GOLGA8B: variants seen among roughly 807,000 people sequenced by gnomAD.
GOLGA8B encodes the protein golgin subfamily A member 8B.
Under a neutral mutation model 15.6 loss-of-function variants are expected in GOLGA8B, and 1 was observed. The observed-to-expected ratio is 0.06, with a 90% CI of 0.02 to 0.30. The LOEUF (loss-of-function observed/expected upper bound fraction) is 0.30, where lower values mean the gene tolerates loss of function less well. Among genes scored for constraint, GOLGA8B ranks in the 10% least tolerant of loss-of-function variants. The pLI is 1.00. For synonymous variants in GOLGA8B, 9 were observed against 80.3 expected (o/e 0.11, Z 4.75); for missense variants, 17 against 201.3 (o/e 0.08, Z 5.54).
chr15:34,557,173 G>C (rs1888513459), intron 1 of GOLGA8B, among the ~76,000 whole-genome samples: 2 of 122,056 alleles, frequency 1.6e-5, no homozygotes, highest in Admixed American at 1.8e-4. Context: ...TCAATCCTCA[G>C]GGGTGTACTC....
chr15:34,574,543 G>A (rs1889014920), intron 1 of GOLGA8B, among the ~76,000 whole-genome samples: 3 of 151,928 alleles, frequency 2.0e-5, no homozygotes, highest in Non-Finnish European at 2.9e-5. Context: ...GGGCTTAAGC[G>A]ATCCTCCCTC....
intron 1 of GOLGA8B, among the ~76,000 whole-genome samples, chr15:34,577,872 T>C (rs568582134): frequency 6.6e-6 from 1 of 152,352 alleles, no homozygotes; most frequent in South Asian, 2.1e-4. Flanking sequence ...GTCTGTACAC[T>C]AGTGCAGACT....
intron 1 of GOLGA8B, among the ~76,000 whole-genome samples, chr15:34,554,236 G>C (rs927134827): frequency 6.6e-6 from 1 of 152,204 alleles, no homozygotes; most frequent in East Asian, 1.9e-4. Flanking sequence ...AGGGTCCTGA[G>C]CTGCCAGGGG....
At chr15:34,570,240 A>C (rs1888876490) in intron 1 of GOLGA8B, among the ~76,000 whole-genome samples, 1 of 147,894 alleles carries the variant, frequency 6.8e-6, no homozygotes, top group Admixed American at 6.8e-5. Context: ...ACCTGAGGAG[A>C]CCCTCTGAGC....
rs775926558 is a variant in GOLGA8B, at chr15:34,526,458, CAG to C, written c.*1172_*1173del. 9 of 148,544 alleles carry C rather than the reference CAG, an allele frequency of 6.1e-5. 1 individual carries two copies. The highest frequency in any genetic ancestry group is 8.9e-5 in the Non-Finnish European group (6 of 67,062). 9.2% of individuals were successfully genotyped at this position (148,544 alleles called of 1,614,324 possible). On this transcript the variant is annotated 3_prime_UTR_variant, in exon 24 of 24. Coordinates refer to ENST00000683415, the MANE Select transcript of GOLGA8B (RefSeq NM_001023567.5). ...AGGTGGTTGAAGAATAGGTATTAGCCAGAGAGGTCTAGATAGTAAAATCAAAC... is the reference window on the plus strand; with the variant it reads ...AGGTGGTTGAAGAATAGGTATTAGCCAGAGGTCTAGATAGTAAAATCAAAC...
At chr15:34,574,319 T>C (rs1308229072) in intron 1 of GOLGA8B, among the ~76,000 whole-genome samples, 2 of 132,998 alleles carry the variant, frequency 1.5e-5, no homozygotes, top group Non-Finnish European at 3.2e-5. Flanking sequence ...TTTTTTTTTT[T>C]GAGAGAGAGA....
At chr15:34,575,124 G>C (rs999668579) in intron 1 of GOLGA8B, among the ~76,000 whole-genome samples, 44 of 119,160 alleles carry the variant, frequency 3.7e-4, no homozygotes, top group African/African-American at 1.2e-3. Context: ...AAAAAAAGAA[G>C]GGTAAAATAA....
chr15:34,580,122 A>G (rs1889190403), intron 1 of GOLGA8B, among the ~76,000 whole-genome samples: 1 of 152,182 alleles, frequency 6.6e-6, no homozygotes. Flanking sequence ...TGGCCTGGCA[A>G]ATCCGAGGAC....
At chr15:34,564,833 C>T (rs1277916088) in intron 1 of GOLGA8B, among the ~76,000 whole-genome samples, 1 of 144,122 alleles carries the variant, frequency 6.9e-6, no homozygotes, top group African/African-American at 2.5e-5. Flanking sequence ...GGAGGACTTC[C>T]TGTGTCATGC....
chr15:34,527,114 G>A lies in GOLGA8B; in HGVS notation c.*518C>T, dbSNP rs568845473. On this transcript the variant is annotated 3_prime_UTR_variant, in exon 24 of 24. Transcript: ENST00000683415. ...ACAGCTCTAAGTGTCAGTACTCATAGTGGCATATTACAAAGTAATAAACAG... is the reference window on the plus strand; with the variant it reads ...ACAGCTCTAAGTGTCAGTACTCATAATGGCATATTACAAAGTAATAAACAG... 4.6e-6 allele frequency: 1 copy of A among 218,200 alleles called. No individual in the cohort carries two copies. The highest frequency in any genetic ancestry group is 6.6e-5 in the South Asian group (1 of 15,218). The allele number at this position is 218,200 out of a possible 1,614,324, so 13.5% of individuals were successfully genotyped here. A position where few individuals can be genotyped will look rare whatever the true frequency, so the allele number is the denominator to read the frequency against.
chr15:34,583,026 G>A (rs1383219622), intron 1 of GOLGA8B, among the ~76,000 whole-genome samples: 1 of 152,192 alleles, frequency 6.6e-6, no homozygotes, highest in Non-Finnish European at 1.5e-5. Flanking sequence ...GGGAAGGGGC[G>A]AAGATCCGGG....
At position 34,525,601 on chromosome 15, in the gene GOLGA8B, G is replaced by A. The variant is rs1251396356; in HGVS notation, c.*2031C>T. On this transcript the variant is annotated 3_prime_UTR_variant, in exon 24 of 24. Coordinates refer to ENST00000683415, the MANE Select transcript of GOLGA8B (RefSeq NM_001023567.5). ...TATATTATTTTAAAATGACTCTTTA[G>A]GATACAGTTTTAAACCCACGGGCTA... 1.3e-5 allele frequency: 2 copies of A among 149,576 alleles called. No individual in the cohort carries two copies. Among genetic ancestry groups the A allele is most frequent in the Non-Finnish European group, 3.0e-5 (2 of 67,186 alleles). 9.3% of individuals were successfully genotyped at this position (149,576 alleles called of 1,614,324 possible). A position where few individuals can be genotyped will look rare whatever the true frequency, so the allele number is the denominator to read the frequency against.
At chr15:34,571,570 CAG>C (rs1888914028) in intron 1 of GOLGA8B, among the ~76,000 whole-genome samples, 1 of 147,582 alleles carries the variant, frequency 6.8e-6, no homozygotes, top group Non-Finnish European at 1.5e-5. Context: ...CCTGCCAAAA[CAG>C]AGAGGTCAAA....
At chr15:34,567,335 G>A (rs1395658116) in intron 1 of GOLGA8B, among the ~76,000 whole-genome samples, 1 of 149,162 alleles carries the variant, frequency 6.7e-6, no homozygotes, top group Non-Finnish European at 1.5e-5. Flanking sequence ...AACCACATGG[G>A]CCCTCGAGAT....
At chr15:34,573,037 C>CCCAGGAGTTCAAGT (rs1176289609) in intron 1 of GOLGA8B, among the ~76,000 whole-genome samples, 3 of 152,152 alleles carry the variant, frequency 2.0e-5, no homozygotes, top group Non-Finnish European at 4.4e-5. Context: ...ATTGCCTGAG[C>CCCAGGAGTTCAAGT]CCAGGAGTTC....
intron 1 of GOLGA8B, among the ~76,000 whole-genome samples, chr15:34,560,039 T>C (rs1888586823): frequency 6.7e-6 from 1 of 149,082 alleles, no homozygotes; most frequent in African/African-American, 2.5e-5. Flanking sequence ...AACCACATCC[T>C]GAGTGGGAGT....
rs941732508 is a variant in GOLGA8B, at chr15:34,567,111, T to C, written c.-1122-13155A>G. Among the ~76,000 whole-genome samples the C allele has an allele frequency of 1.0e-4, 13 of 125,158 alleles. 1 individual carries two copies. Among genetic ancestry groups the C allele is most frequent in the African/African-American group, 1.6e-4 (5 of 32,088 alleles). The allele number at this position is 125,158 out of a possible 152,430, so 82.1% of individuals were successfully genotyped here. On this transcript the variant is annotated intron_variant, in intron 1 of 23. Transcript: ENST00000683415. ...AAGCTCTACCCTTTCCAAGCATTGA[T>C]GATCCTGAGGTTGATCAATACTGAG...
chr15:34,554,391 TCATACACACCACACACATACCC>T (rs1349740009), intron 1 of GOLGA8B, among the ~76,000 whole-genome samples: 2 of 150,282 alleles, frequency 1.3e-5, no homozygotes, highest in African/African-American at 2.4e-5. Flanking sequence ...CATGCCCACC[TCATACACACCACACACATACCC>T]CATACACACC....
At position 34,525,461 on chromosome 15, in the gene GOLGA8B, TTC is replaced by T. The variant is rs1463066906; in HGVS notation, c.*2169_*2170del. 2.0e-5 allele frequency: 3 copies of T among 150,010 alleles called. No individual in the cohort carries two copies. Among genetic ancestry groups the T allele is most frequent in the African/African-American group, 7.4e-5 (3 of 40,544 alleles). The allele number at this position is 150,010 out of a possible 1,614,324, so 9.3% of individuals were successfully genotyped here. On this transcript the variant is annotated 3_prime_UTR_variant, in exon 24 of 24. Coordinates refer to ENST00000683415, the MANE Select transcript of GOLGA8B (RefSeq NM_001023567.5). ...CAAAGCTTTGGACTGGAATTGGCAT[TTC>T]TTTCTCTACTTTTCCTTCCCACCAT...
Sources: gnomAD v4.1 joint callset for allele counts (sites outside exome capture counted in the v4.1 genomes callset) on GRCh38, gnomAD v4.1.1 for gene constraint, MANE v1.5 for transcripts, NCBI Gene and HGNC (gene_info 2026-07-23, HGNC 2026-07-21) for gene names.